Variants in FAM149B1 observed in about 807,000 individuals in gnomAD.
The protein encoded by FAM149B1 is primary cilium assembly protein FAM149B1.
A neutral mutation model predicts 75.3 loss-of-function variants in FAM149B1; 56 were observed. The observed-to-expected ratio is 0.74, with a 90% CI of 0.60 to 0.93. The LOEUF is 0.93. Ranked by LOEUF, FAM149B1 falls within the 40% of genes least tolerant of loss-of-function variation. The probability of loss-of-function intolerance (pLI) is 0.00; values close to 1 mark genes in which losing one functional copy is unlikely to be tolerated. For missense variants in FAM149B1, 639 were observed against 708.4 expected (o/e 0.90, Z 1.11); for synonymous variants, 259 against 256.1 (o/e 1.01, Z -0.11).
At chr10:73,177,213 AAAAT>A (rs1844007838) in intron 2 of FAM149B1, among the ~76,000 whole-genome samples, 1 of 152,026 alleles carries the variant, frequency 6.6e-6, no homozygotes, top group South Asian at 2.1e-4. Context: ...CAAAAAATAA[AAAAT>A]AAAAAGTGCC....
chr10:73,168,363 G>A lies in FAM149B1; in HGVS notation c.24G>A (p.Lys8=), dbSNP rs1172523213. 6.5e-7 allele frequency: 1 copy of A among 1,550,154 alleles called. No homozygotes were observed. Among genetic ancestry groups the A allele is most frequent in the Admixed American group, 2.0e-5 (1 of 51,010 alleles). ...GGATGATCTCCAGATACACTCGGAAGGCGGTGCCACAGAGCTTGGAGCTGT... is the reference window on the plus strand; with the variant it reads ...GGATGATCTCCAGATACACTCGGAAAGCGGTGCCACAGAGCTTGGAGCTGT... MISRYTR[K]AVPQSLELKG... Residue 8 remains lysine (K), a synonymous_variant, in exon 1 of 14, where the codon AAG becomes AAA. Transcript: ENST00000242505.
intron 11 of FAM149B1, 93 bp downstream of exon 11, chr10:73,235,033 CTG>C (rs1328713789): frequency 3.3e-6 from 5 of 1,495,604 alleles, no homozygotes; most frequent in Non-Finnish European, 4.5e-6. Context: ...TTGATTTATA[CTG>C]TGTTTTGTCA....
At chr10:73,201,562 A>G (rs1210288492) in intron 5 of FAM149B1, among the ~76,000 whole-genome samples, 2 of 152,236 alleles carry the variant, frequency 1.3e-5, no homozygotes, top group Non-Finnish European at 1.5e-5. Flanking sequence ...ACTAAAAGAT[A>G]TAAGTGCTGT....
chr10:73,233,760 T>C (rs1029321728), intron 10 of FAM149B1, among the ~76,000 whole-genome samples: 2 of 152,354 alleles, frequency 1.3e-5, no homozygotes, highest in Admixed American at 6.5e-5. Flanking sequence ...ACAAAAGGAA[T>C]AAAGAACCTA....
At chr10:73,175,669 C>CAAA (rs779685127) in intron 2 of FAM149B1, among the ~76,000 whole-genome samples, 1 of 64,932 alleles carries the variant, frequency 1.5e-5, no homozygotes, top group Non-Finnish European at 3.6e-5. Flanking sequence ...GACTCCTTCT[C>CAAA]AAAAAAAAAA....
chr10:73,234,990 G>T, intron 11 of FAM149B1, 50 bp downstream of exon 11: 1 of 1,540,464 alleles, frequency 6.5e-7, no homozygotes. Context: ...ACAACCTAAT[G>T]GGCAGTAATT....
At position 73,177,848 on chromosome 10, in the gene FAM149B1, A is replaced by G. The variant is rs1589136141; in HGVS notation, c.155A>G (p.Lys52Arg). 6.4e-7 allele frequency: 1 copy of G among 1,550,992 alleles called. No individual in the cohort carries two copies. Among genetic ancestry groups the G allele is most frequent in the Non-Finnish European group, 8.7e-7 (1 of 1,146,764 alleles). ...SHEKDTSSQS[K>R]SDITRESSFT... is the part of the protein sequence containing the mutation. ...CTCCTCCCAAATTGTGCCTTTAGCA[A>G]GTCTGACATCACAAGAGAATCATCT... Residue 52 changes from lysine to arginine, a missense_variant and splice_region_variant, in exon 3 of 14, where the codon AAG becomes AGG. Lys to Arg is a conservative substitution (Grantham distance 26, BLOSUM62 2). Coordinates refer to ENST00000242505, the MANE Select transcript of FAM149B1 (RefSeq NM_173348.2).
chr10:73,172,293 G>T (rs1054348679), intron 1 of FAM149B1, among the ~76,000 whole-genome samples: 3 of 152,186 alleles, frequency 2.0e-5, no homozygotes, highest in Non-Finnish European at 4.4e-5. Context: ...TAAAGTGCAA[G>T]CTCCACTGAC....
At chr10:73,227,941 C>A in intron 7 of FAM149B1, 119 bp from the exon 8 acceptor site, 2 of 1,090,152 alleles carry the variant, frequency 1.8e-6, no homozygotes, top group Non-Finnish European at 2.7e-6. Flanking sequence ...AATTGTACTG[C>A]AAAGATAAGT....
intron 3 of FAM149B1, among the ~76,000 whole-genome samples, chr10:73,182,131 T>G (rs762786389): frequency 1.3e-5 from 2 of 152,214 alleles, no homozygotes. Context: ...AGTCTGTATG[T>G]GTCTTTATAG....
At chr10:73,230,866 A>G (rs886254742) in intron 9 of FAM149B1, 3 of 174,620 alleles carry the variant, frequency 1.7e-5, no homozygotes, top group Non-Finnish European at 3.7e-5. Flanking sequence ...GCTTTGGATA[A>G]GCAAAGGAGA....
intron 1 of FAM149B1, 54 bp from the exon 2 acceptor site, chr10:73,174,633 G>T: frequency 1.6e-6 from 2 of 1,279,260 alleles, no homozygotes; most frequent in South Asian, 1.3e-5. Context: ...TTAAATTATT[G>T]AATTGTATGT....
chr10:73,193,693 T>G, intron 5 of FAM149B1, 100 bp downstream of exon 5: 2 of 1,157,044 alleles, frequency 1.7e-6, no homozygotes, highest in East Asian at 2.6e-5. Context: ...TCCTACTTAT[T>G]AGTATTTAGT....
chr10:73,239,887 T>C (rs1026039817), intron 13 of FAM149B1, among the ~76,000 whole-genome samples: 1 of 152,258 alleles, frequency 6.6e-6, no homozygotes, highest in African/African-American at 2.4e-5. Flanking sequence ...CTTTAAATTA[T>C]ACTCTGTAGA....
chr10:73,189,310 A>G (rs1456041139), intron 3 of FAM149B1, among the ~76,000 whole-genome samples: 1 of 152,244 alleles, frequency 6.6e-6, no homozygotes, highest in African/African-American at 2.4e-5. Flanking sequence ...GCTAAATTGT[A>G]CATCCATCCT....
At chr10:73,231,571 C>T (rs1043582292) in intron 9 of FAM149B1, among the ~76,000 whole-genome samples, 1 of 152,126 alleles carries the variant, frequency 6.6e-6, no homozygotes. Context: ...CAGGAGTCCA[C>T]GCATGAGCTA....
Position 73,240,978 on chromosome 10 carries a change from AGCGGAG to A in FAM149B1, c.1711_1716del (p.Gly571_Gly572del), listed in dbSNP as rs370826262. 20,608 of 1,540,352 alleles carry A rather than the reference AGCGGAG, an allele frequency of 0.013. 1,926 individuals carry two copies. The African/African-American group carries it at 0.19, about 14-fold the overall frequency. ...GTTACATGGGTCTACAAAATCTCAAAGCGGAGGCAGACCAGTCTCTCGAACCAGGCA... is the reference window on the plus strand; with the variant it reads ...GTTACATGGGTCTACAAAATCTCAAAGCAGACCAGTCTCTCGAACCAGGCA... On this transcript the variant is annotated inframe_deletion, in exon 14 of 14. Transcript: ENST00000242505.
In FAM149B1 at chr10:73,241,219, T is replaced by C; in HGVS notation, c.*200T>C. On this transcript the variant is annotated 3_prime_UTR_variant, in exon 14 of 14. Coordinates refer to ENST00000242505, the MANE Select transcript of FAM149B1 (RefSeq NM_173348.2). ...GAGTGTTGTTTCTATCTCCAGTTAC[T>C]GTCTCTTTCAGCAGAAATTAACCTA... is the stretch of plus-strand genomic sequence containing the variant. The C allele has an allele frequency of 1.8e-6, 1 of 541,466 alleles. No homozygotes were observed. Among genetic ancestry groups the C allele is most frequent in the East Asian group, 3.5e-5 (1 of 28,842 alleles). The allele number at this position is 541,466 out of a possible 1,614,324, so 33.5% of individuals were successfully genotyped here.
At chr10:73,215,835 T>G (rs1173737496) in intron 7 of FAM149B1, among the ~76,000 whole-genome samples, 1 of 152,248 alleles carries the variant, frequency 6.6e-6, no homozygotes, top group Non-Finnish European at 1.5e-5. Flanking sequence ...TAATATTTGG[T>G]CTGTCTTGGA....
Sources: gnomAD v4.1 joint callset for allele counts (sites outside exome capture counted in the v4.1 genomes callset) on GRCh38, gnomAD v4.1.1 for gene constraint, MANE v1.5 for transcripts, NCBI Gene and HGNC (gene_info 2026-07-23, HGNC 2026-07-21) for gene names.